MARCHF1: variants seen among roughly 807,000 people sequenced by gnomAD.
The protein encoded by MARCHF1 is E3 ubiquitin-protein ligase MARCHF1.
Under a neutral mutation model 54.2 loss-of-function variants are expected in MARCHF1, and 40 were observed. That is an observed-to-expected ratio of 0.74 (90% CI 0.57 to 0.96). MARCHF1 has a LOEUF of 0.96. Among genes scored for constraint, MARCHF1 ranks in the 40% least tolerant of loss-of-function variants. MARCHF1 has a pLI of 0.00. For synonymous variants in MARCHF1, 236 were observed against 236.3 expected (o/e 1.00, Z 0.01); for missense variants, 586 against 656.5 (o/e 0.89, Z 1.17).
intron 1 of MARCHF1, among the ~76,000 whole-genome samples, chr4:164,382,832 A>G (rs1731414082): frequency 6.6e-6 from 1 of 152,362 alleles, no homozygotes; most frequent in Admixed American, 6.5e-5. Flanking sequence ...GAGCAGGTTC[A>G]GAATCTTTTT....
At chr4:163,965,548 G>A (rs1172500889) in intron 3 of MARCHF1, among the ~76,000 whole-genome samples, 1 of 151,998 alleles carries the variant, frequency 6.6e-6, no homozygotes, top group African/African-American at 2.4e-5. Flanking sequence ...CTTACAATGG[G>A]ATGGTAGGAG....
intron 4 of MARCHF1, among the ~76,000 whole-genome samples, chr4:163,758,243 T>C (rs1031921413): frequency 3.9e-5 from 6 of 152,208 alleles, no homozygotes; most frequent in African/African-American, 1.4e-4. Flanking sequence ...CCATTGCTTC[T>C]GTCTTGATAA....
At chr4:163,904,763 A>AG (rs374872263) in intron 3 of MARCHF1, among the ~76,000 whole-genome samples, 11 of 151,582 alleles carry the variant, frequency 7.3e-5, no homozygotes, top group East Asian at 3.9e-4. Context: ...AGGAGAGAGA[A>AG]AGAGACAGAG....
chr4:163,683,188 G>T (rs1744160760), intron 5 of MARCHF1, among the ~76,000 whole-genome samples: 1 of 152,168 alleles, frequency 6.6e-6, no homozygotes. Flanking sequence ...ATTTGCAAAA[G>T]AAAGAGGTTT....
chr4:163,795,233 C>G (rs1389153110), intron 4 of MARCHF1, among the ~76,000 whole-genome samples: 1 of 152,020 alleles, frequency 6.6e-6, no homozygotes, highest in Non-Finnish European at 1.5e-5. Context: ...ATGGTATTTT[C>G]TTTCTTTTTT....
Position 163,789,796 on chromosome 4 carries a change from T to C in MARCHF1, c.111+64225A>G, listed in dbSNP as rs896267918. On this transcript the variant is annotated intron_variant, in intron 4 of 9. Transcript: ENST00000514618. ...TTTTTATTATTTGTGAATAAATGGA[T>C]CTGTAGAAACCTGATTAGATAACCT... 3.3e-5 allele frequency among the ~76,000 whole-genome samples: 5 copies of C among 152,154 alleles called. No homozygotes were observed. The East Asian group carries it at 5.8e-4, about 18-fold the overall frequency.
chr4:163,758,822 GT>G (rs1474834445), intron 4 of MARCHF1, among the ~76,000 whole-genome samples: 1 of 151,930 alleles, frequency 6.6e-6, no homozygotes, highest in Non-Finnish European at 1.5e-5. Flanking sequence ...GATGCCTCTT[GT>G]TTTTTTCTTT....
At chr4:164,229,674 A>G (rs1469293005) in intron 1 of MARCHF1, among the ~76,000 whole-genome samples, 1 of 152,144 alleles carries the variant, frequency 6.6e-6, no homozygotes, top group African/African-American at 2.4e-5. Context: ...GAAGCATGAT[A>G]CTGTCATCTG....
intron 3 of MARCHF1, among the ~76,000 whole-genome samples, chr4:163,860,632 A>G (rs147251025): frequency 3.9e-5 from 6 of 152,158 alleles, no homozygotes; most frequent in Non-Finnish European, 7.4e-5. Flanking sequence ...ATTGAATCAT[A>G]AAGTTACAGA....
chr4:163,893,635 GA>G (rs1435858506), intron 3 of MARCHF1, among the ~76,000 whole-genome samples: 2 of 152,070 alleles, frequency 1.3e-5, no homozygotes, highest in Admixed American at 1.3e-4. Context: ...CCCCATTTTT[GA>G]ATAGATAATT....
intron 3 of MARCHF1, chr4:163,933,278 T>A: frequency 1.5e-6 from 1 of 652,818 alleles, no homozygotes; most frequent in Non-Finnish European, 2.8e-6. Flanking sequence ...GTCATCCTTC[T>A]TCCCTTCAAG....
At chr4:164,203,036 T>C (rs1731498907) in intron 1 of MARCHF1, among the ~76,000 whole-genome samples, 1 of 151,880 alleles carries the variant, frequency 6.6e-6, no homozygotes, top group Non-Finnish European at 1.5e-5. Flanking sequence ...AGATTGAGTT[T>C]CTGATTTTGG....
At chr4:163,989,959 G>A (rs559990849) in intron 2 of MARCHF1, among the ~76,000 whole-genome samples, 1 of 152,216 alleles carries the variant, frequency 6.6e-6, no homozygotes, top group South Asian at 2.1e-4. Flanking sequence ...TCTTCAAAGT[G>A]ATTTCTAGTT....
At chr4:164,161,382 A>C (rs1020493542) in intron 1 of MARCHF1, among the ~76,000 whole-genome samples, 2 of 152,204 alleles carry the variant, frequency 1.3e-5, no homozygotes, top group African/African-American at 4.8e-5. Flanking sequence ...TGCTGCCTGC[A>C]GAGCCATGAG....
chr4:163,735,179 T>C (rs1473514668), intron 4 of MARCHF1, among the ~76,000 whole-genome samples: 1 of 152,170 alleles, frequency 6.6e-6, no homozygotes. Flanking sequence ...GGCCACACTG[T>C]TGACAGTAGT....
chr4:163,708,711 C>A (rs1561031036), intron 4 of MARCHF1, among the ~76,000 whole-genome samples: 1 of 151,872 alleles, frequency 6.6e-6, no homozygotes, highest in Non-Finnish European at 1.5e-5. Context: ...ACTATATGAG[C>A]ATGGAAAAAG....
chr4:163,583,656 T>A (rs1740310050), intron 8 of MARCHF1: 1 of 146,806 alleles, frequency 6.8e-6, no homozygotes, highest in Non-Finnish European at 1.5e-5. Flanking sequence ...TTGTGTGTTT[T>A]TTTTTTTTTT....
chr4:163,831,393 G>C (rs1191196952), intron 4 of MARCHF1, among the ~76,000 whole-genome samples: 1 of 152,124 alleles, frequency 6.6e-6, no homozygotes, highest in Admixed American at 6.5e-5. Context: ...AAATCAGCCT[G>C]GGCAACATAG....
At chr4:163,681,237 T>G (rs1211981020) in intron 5 of MARCHF1, among the ~76,000 whole-genome samples, 2 of 152,036 alleles carry the variant, frequency 1.3e-5, no homozygotes, top group African/African-American at 4.8e-5. Flanking sequence ...CCATTAACCA[T>G]TTTCAGGCTA....
Sources: gnomAD v4.1 joint callset for allele counts (sites outside exome capture counted in the v4.1 genomes callset) on GRCh38, gnomAD v4.1.1 for gene constraint, MANE v1.5 for transcripts, NCBI Gene and HGNC (gene_info 2026-07-23, HGNC 2026-07-21) for gene names.